The following SEPTIN9 variants were observed in gnomAD, a reference collection of about 807,000 sequenced individuals.
The protein encoded by SEPTIN9 is septin-9.
In SEPTIN9, 13 loss-of-function variants were observed where a neutral mutation model predicts 56.6. The ratio of observed to expected loss-of-function variants is 0.23; its 90% CI spans 0.15 to 0.37. SEPTIN9 has a LOEUF of 0.37. Among genes scored for constraint, SEPTIN9 ranks in the 10% least tolerant of loss-of-function variants. The pLI, the probability that SEPTIN9 is intolerant of heterozygous loss-of-function variation, is 1.00. For synonymous variants in SEPTIN9, 332 were observed against 334.1 expected (o/e 0.99, Z 0.07); for missense variants, 650 against 823.1 (o/e 0.79, Z 2.57).
intron 4 of SEPTIN9, among the ~76,000 whole-genome samples, chr17:77,485,042 ATGG>A (rs1471259432): frequency 8.1e-5 from 3 of 37,004 alleles, no homozygotes; most frequent in Admixed American, 2.8e-4. Flanking sequence ...GAAGGGGGTG[ATGG>A]TGGTGATTGT....
intron 2 of SEPTIN9, among the ~76,000 whole-genome samples, chr17:77,355,024 C>T (rs995953193): frequency 6.6e-6 from 1 of 152,160 alleles, no homozygotes; most frequent in East Asian, 1.9e-4. Flanking sequence ...AAGTTCTTCC[C>T]ATCACGTCAG....
Position 77,488,964 on chromosome 17 carries a change from A to G in SEPTIN9, c.1262+100A>G. The G allele has an allele frequency of 3.4e-6, 5 of 1,476,728 alleles. No homozygotes were observed. In the Admixed American group the frequency reaches 9.7e-5, roughly 29 times the overall value. 91.5% of individuals were successfully genotyped at this position (1,476,728 alleles called of 1,614,324 possible). A position where few individuals can be genotyped will look rare whatever the true frequency, so the allele number is the denominator to read the frequency against. ...TGCTGTCTGCCCTGCTGCTGGGTGC[A>G]GAGGGGCTGAGTCAGGGGCCATGGC... is the stretch of plus-strand genomic sequence containing the variant. On this transcript the variant is annotated intron_variant, in intron 7 of 11. Coordinates refer to ENST00000427177, the MANE Select transcript of SEPTIN9 (RefSeq NM_001113491.2).
chr17:77,498,050 T>C (rs1012717259), intron 11 of SEPTIN9, among the ~76,000 whole-genome samples: 1 of 151,680 alleles, frequency 6.6e-6, no homozygotes, highest in African/African-American at 2.4e-5. Context: ...AGCCCAGGAC[T>C]TTTTTTTCCT....
chr17:77,344,204 A>G (rs2033819977), intron 2 of SEPTIN9, among the ~76,000 whole-genome samples: 1 of 152,198 alleles, frequency 6.6e-6, no homozygotes. Context: ...CAACCCAGTG[A>G]ACAGACATTT....
chr17:77,334,625 A>AT (rs1195472655), intron 2 of SEPTIN9, among the ~76,000 whole-genome samples: 2 of 151,964 alleles, frequency 1.3e-5, no homozygotes, highest in Non-Finnish European at 2.9e-5. Flanking sequence ...TCGATTTATG[A>AT]TTTTTGTGAC....
In SEPTIN9 at chr17:77,390,730, C is replaced by T. The variant is rs966934506; in HGVS notation, c.77-11329C>T. On this transcript the variant is annotated intron_variant, in intron 2 of 11. Transcript: ENST00000427177. ...CCTCCCAAAGTGCTGGGATTACAGG[C>T]GTGAGCCGCCGCGCCCGGCCACACG... Among the ~76,000 whole-genome samples, 96 of 152,264 alleles carry T rather than the reference C, an allele frequency of 6.3e-4. 1 individual carries two copies. The highest frequency in any genetic ancestry group is 2.1e-3 in the African/African-American group (86 of 41,572).
intron 1 of SEPTIN9, among the ~76,000 whole-genome samples, chr17:77,305,143 C>G (rs2032209998): frequency 6.6e-6 from 1 of 152,046 alleles, no homozygotes; most frequent in Non-Finnish European, 1.5e-5. Flanking sequence ...CCAGGAACCC[C>G]TGGGTTTTCC....
Position 77,402,090 on chromosome 17 carries a change from C to T in SEPTIN9, c.108C>T (p.Val36=), listed in dbSNP as rs766956194. ...ALKRSFEVEE[V]ETPNSTPPRR... The stretch of plus-strand genomic sequence containing the variant: ...AAAGATCTTTTGAGGTCGAGGAGGT[C>T]GAGACACCCAACTCCACCCCACCCC... Residue 36 remains valine, a synonymous_variant, in exon 3 of 12, where the codon GTC becomes GTT. Coordinates refer to ENST00000427177, the MANE Select transcript of SEPTIN9 (RefSeq NM_001113491.2). This position sits in a 1 kb window ranked among gnomAD's most constrained non-coding sequence, Gnocchi z 6.6. 3.7e-5 allele frequency: 59 copies of T among 1,613,606 alleles called. No individual in the cohort carries two copies. The highest frequency in any genetic ancestry group is 4.4e-5 in the Non-Finnish European group (52 of 1,179,718).
chr17:77,362,361 G>A (rs1162041599), intron 2 of SEPTIN9, among the ~76,000 whole-genome samples: 2 of 152,214 alleles, frequency 1.3e-5, no homozygotes, highest in African/African-American at 4.8e-5. Context: ...GTTGCTGAAG[G>A]TGAGAAATTT....
chr17:77,495,102 G>T (rs968774565), intron 10 of SEPTIN9, among the ~76,000 whole-genome samples: 2 of 152,162 alleles, frequency 1.3e-5, no homozygotes, highest in African/African-American at 4.8e-5. Flanking sequence ...CTTTGCTATG[G>T]GCGTGCCTCT....
chr17:77,404,041 C>T (rs950201578), intron 3 of SEPTIN9, among the ~76,000 whole-genome samples: 5 of 152,164 alleles, frequency 3.3e-5, no homozygotes, highest in Non-Finnish European at 7.3e-5. Context: ...AATAACTGCC[C>T]ATTTTGTGTC....
chr17:77,398,433 C>A (rs1290465022), intron 2 of SEPTIN9, among the ~76,000 whole-genome samples: 1 of 152,050 alleles, frequency 6.6e-6, no homozygotes, highest in Non-Finnish European at 1.5e-5. Context: ...GTGGTGTGGA[C>A]TGTGTGGGAG....
chr17:77,287,367 G>T (rs557790719), intron 1 of SEPTIN9, among the ~76,000 whole-genome samples: 17 of 152,358 alleles, frequency 1.1e-4, no homozygotes, highest in African/African-American at 4.1e-4. Context: ...TTGCCAGGAG[G>T]CCTGGCATTG....
rs1192773888 is a variant in SEPTIN9, at chr17:77,319,623, G to A, written c.76+12426G>A. On this transcript the variant is annotated intron_variant, in intron 2 of 11. Transcript: ENST00000427177. The surrounding 1 kb of genome is among the most constrained non-coding windows in gnomAD (Gnocchi z 5.3). ...CAGCACGCTGGCCTGGGGCACGGCC[G>A]TTCCTCCTGCCCAGCCACGTTGGGG... The A allele has an allele frequency of 8.5e-6, 9 of 1,062,150 alleles. No individual in the cohort carries two copies. Among genetic ancestry groups the A allele is most frequent in the South Asian group, 4.6e-5 (1 of 21,942 alleles). 65.8% of individuals were successfully genotyped at this position (1,062,150 alleles called of 1,614,324 possible). A position where few individuals can be genotyped will look rare whatever the true frequency, so the allele number is the denominator to read the frequency against.
intron 3 of SEPTIN9, among the ~76,000 whole-genome samples, chr17:77,468,875 C>T (rs973791506): frequency 1.3e-5 from 2 of 152,216 alleles, no homozygotes; most frequent in African/African-American, 2.4e-5. Flanking sequence ...TGAGTGGATT[C>T]GGAGTAATGG....
At chr17:77,464,040 T>C (rs1427153692) in intron 3 of SEPTIN9, among the ~76,000 whole-genome samples, 1 of 151,886 alleles carries the variant, frequency 6.6e-6, no homozygotes, top group African/African-American at 2.4e-5. Flanking sequence ...TGCTTAGAAA[T>C]AACTGCAGGA....
At chr17:77,459,481 C>T (rs1470128189) in intron 3 of SEPTIN9, among the ~76,000 whole-genome samples, 1 of 152,232 alleles carries the variant, frequency 6.6e-6, no homozygotes, top group African/African-American at 2.4e-5. Flanking sequence ...CAGCCCCAGC[C>T]AGGCACACTG....
rs2033133619 is a variant in SEPTIN9, at chr17:77,326,183, C to G, written c.76+18986C>G. Among the ~76,000 whole-genome samples the G allele has an allele frequency of 6.6e-6, 1 of 152,178 alleles. No homozygotes were observed. The highest frequency in any genetic ancestry group is 2.4e-5 in the African/African-American group (1 of 41,428). ...CCGCCCAGCAACCTTTGACCCCCAA[C>G]ATGACAAAATAAACCTCCCTTGCCG... On this transcript the variant is annotated intron_variant, in intron 2 of 11. Coordinates refer to ENST00000427177, the MANE Select transcript of SEPTIN9 (RefSeq NM_001113491.2). This position sits in a 1 kb window ranked among gnomAD's most constrained non-coding sequence, Gnocchi z 5.1.
chr17:77,481,873 AGAG>A (rs1451013659), intron 3 of SEPTIN9: 1 of 528,428 alleles, frequency 1.9e-6, no homozygotes, highest in Non-Finnish European at 3.4e-6. Flanking sequence ...AGCTCCTAGA[AGAG>A]GAGATGAAAA....
Sources: gnomAD v4.1 joint callset for allele counts (sites outside exome capture counted in the v4.1 genomes callset) on GRCh38, gnomAD v4.1.1 for gene constraint, Gnocchi (gnomAD v3.1) non-coding constraint, MANE v1.5 for transcripts, NCBI Gene and HGNC (gene_info 2026-07-23, HGNC 2026-07-21) for gene names.